Variants in DLGAP1 observed in about 807,000 individuals in gnomAD.
DLGAP1 encodes disks large-associated protein 1.
In DLGAP1, 11 loss-of-function variants were observed where a neutral mutation model predicts 90.8. That is an observed-to-expected ratio of 0.12 (90% CI 0.08 to 0.20). The LOEUF is 0.20. Ranked by LOEUF, DLGAP1 falls within the 10% of genes least tolerant of loss-of-function variation. The probability of loss-of-function intolerance (pLI) is 1.00; values close to 1 mark genes in which losing one functional copy is unlikely to be tolerated. For missense variants in DLGAP1, 1,050 were observed against 1,333.8 expected (o/e 0.79, Z 3.31); for synonymous variants, 558 against 540.7 (o/e 1.03, Z -0.44).
chr18:4,214,508 C>T (rs756787481), intron 1 of DLGAP1, among the ~76,000 whole-genome samples: 1 of 152,152 alleles, frequency 6.6e-6, no homozygotes, highest in Non-Finnish European at 1.5e-5. Flanking sequence ...GAAACCCACC[C>T]TGTTGGAGCT....
intron 1 of DLGAP1, among the ~76,000 whole-genome samples, chr18:4,423,531 T>C (rs1225806315): frequency 6.6e-6 from 1 of 151,838 alleles, no homozygotes; most frequent in Non-Finnish European, 1.5e-5. Flanking sequence ...AGTAAATGAT[T>C]CAACTTTGTT....
intron 3 of DLGAP1, among the ~76,000 whole-genome samples, chr18:3,883,198 C>T (rs1162148152): frequency 6.6e-6 from 1 of 152,166 alleles, no homozygotes; most frequent in Non-Finnish European, 1.5e-5. Context: ...AAGCCGAGAT[C>T]GTGCCACTGC....
chr18:3,731,747 T>G (rs1195499828), intron 6 of DLGAP1, among the ~76,000 whole-genome samples: 1 of 152,098 alleles, frequency 6.6e-6, no homozygotes, highest in Non-Finnish European at 1.5e-5. Flanking sequence ...TCATTCCCTT[T>G]TATCCTTTTA....
At chr18:3,948,255 G>A (rs570677236) in intron 3 of DLGAP1, among the ~76,000 whole-genome samples, 2 of 152,280 alleles carry the variant, frequency 1.3e-5, no homozygotes, top group East Asian at 1.9e-4. Flanking sequence ...TCCTGCTCTT[G>A]TCTTGCCAAG....
chr18:3,631,334 A>G lies in DLGAP1; in HGVS notation c.1592-49086T>C, dbSNP rs1280696809. Among the ~76,000 whole-genome samples the G allele has an allele frequency of 2.6e-5, 4 of 152,298 alleles. No individual in the cohort carries two copies. In the East Asian group the frequency reaches 5.8e-4, roughly 22 times the overall value. On this transcript the variant is annotated intron_variant, in intron 7 of 12. Transcript: ENST00000315677. Reference sequence around the variant, plus strand: ...TTAGTCTAGAAATTCTAATCCACATATTTAACTTACTAATATCTAGACTTA... The same window carrying G: ...TTAGTCTAGAAATTCTAATCCACATGTTTAACTTACTAATATCTAGACTTA...
chr18:4,398,886 C>T (rs1303328413), intron 1 of DLGAP1, among the ~76,000 whole-genome samples: 1 of 152,160 alleles, frequency 6.6e-6, no homozygotes, highest in Admixed American at 6.5e-5. Context: ...GGCTGGAGTG[C>T]CGTGGCGTGA....
rs1477233778 is a variant in DLGAP1 at position 4,342,058 on chromosome 18, A to G, written c.-267+112948T>C. ...TCATCTTCAGAATTTCTGAGCGGAT[A>G]AAGTCCTCGGCATGCGGTGAACACT... On this transcript the variant is annotated intron_variant, in intron 1 of 12. Transcript: ENST00000315677. The surrounding 1 kb of genome is among the most constrained non-coding windows in gnomAD (Gnocchi z 5.8). Among the ~76,000 whole-genome samples the G allele has an allele frequency of 6.6e-6, 1 of 152,170 alleles. No homozygotes were observed. Among genetic ancestry groups the G allele is most frequent in the Non-Finnish European group, 1.5e-5 (1 of 68,018 alleles).
At chr18:3,681,138 T>C (rs1350526577) in intron 7 of DLGAP1, among the ~76,000 whole-genome samples, 1 of 152,194 alleles carries the variant, frequency 6.6e-6, no homozygotes, top group African/African-American at 2.4e-5. Flanking sequence ...TTTCCAACAC[T>C]AGAGTGGGGC....
chr18:3,849,165 T>C (rs1259994868), intron 4 of DLGAP1, among the ~76,000 whole-genome samples: 2 of 152,230 alleles, frequency 1.3e-5, no homozygotes, highest in South Asian at 4.1e-4. Context: ...TCTTACTTCA[T>C]AGGGCATGCT....
chr18:4,297,234 A>G (rs1375147732), intron 1 of DLGAP1, among the ~76,000 whole-genome samples: 1 of 152,184 alleles, frequency 6.6e-6, no homozygotes, highest in African/African-American at 2.4e-5. Context: ...GTAAGATGCC[A>G]AGAAGGGGCA....
At chr18:4,175,632 A>G (rs2077094973) in intron 1 of DLGAP1, among the ~76,000 whole-genome samples, 2 of 152,156 alleles carry the variant, frequency 1.3e-5, no homozygotes, top group Non-Finnish European at 1.5e-5. Context: ...AGTTTTATGC[A>G]TATGACTTGC....
In DLGAP1 at chr18:3,508,560, T is replaced by A. The variant is rs570324784; in HGVS notation, c.2571+10A>T. ...TAGCAGGGAAATTGTAGAAGGAGAG[T>A]GTTACCTACCAGGTTTTCTTCACAC... On this transcript the variant is annotated intron_variant, in intron 11 of 12. Transcript: ENST00000315677. 1.2e-6 allele frequency: 2 copies of A among 1,601,108 alleles called. No homozygotes were observed. The highest frequency in any genetic ancestry group is 1.7e-6 in the Non-Finnish European group (2 of 1,171,328).
At chr18:4,010,917 T>C (rs2074406042) in intron 2 of DLGAP1, among the ~76,000 whole-genome samples, 1 of 151,334 alleles carries the variant, frequency 6.6e-6, no homozygotes, top group Non-Finnish European at 1.5e-5. Flanking sequence ...GGCTCACACC[T>C]GTAATCCCAG....
At chr18:4,181,170 G>A (rs944203587) in intron 1 of DLGAP1, among the ~76,000 whole-genome samples, 1 of 151,988 alleles carries the variant, frequency 6.6e-6, no homozygotes, top group Non-Finnish European at 1.5e-5. Context: ...TCTCATCTTG[G>A]TTGTTTATAA....
At chr18:4,145,660 T>C (rs1031002174) in intron 2 of DLGAP1, among the ~76,000 whole-genome samples, 5 of 152,226 alleles carry the variant, frequency 3.3e-5, no homozygotes, top group Admixed American at 2.0e-4. Flanking sequence ...TGATTTCTTT[T>C]GCCTCTGGGT....
chr18:4,319,594 AT>A (rs752556935), intron 1 of DLGAP1, among the ~76,000 whole-genome samples: 17 of 152,168 alleles, frequency 1.1e-4, no homozygotes, highest in Admixed American at 4.6e-4. Context: ...GGTCCAGAAG[AT>A]TTTCATAAAA....
chr18:3,651,500 TAGAA>T (rs2059300806), intron 7 of DLGAP1, among the ~76,000 whole-genome samples: 2 of 151,264 alleles, frequency 1.3e-5, no homozygotes, highest in African/African-American at 4.9e-5. Flanking sequence ...GCTCTAAAAA[TAGAA>T]AGATTCAGCT....
chr18:3,647,449 T>G (rs922854356), intron 7 of DLGAP1, among the ~76,000 whole-genome samples: 1 of 151,300 alleles, frequency 6.6e-6, no homozygotes, highest in African/African-American at 2.4e-5. Context: ...ACTTCAACAT[T>G]ATCTGATTTT....
Position 4,082,669 on chromosome 18 carries a change from C to G in DLGAP1, c.-159+68511G>C, listed in dbSNP as rs1056136888. 7.3e-5 allele frequency among the ~76,000 whole-genome samples: 11 copies of G among 151,498 alleles called. No homozygotes were observed. In the South Asian group the frequency reaches 8.4e-4, roughly 12 times the overall value. On this transcript the variant is annotated intron_variant, in intron 2 of 12. Coordinates refer to ENST00000315677, the MANE Select transcript of DLGAP1 (RefSeq NM_004746.4). ...CTTTTTGAGCTGATTTTTCAGTAAC[C>G]CTTAGGATGAAGGGGAAGTTTTCCT...
Sources: gnomAD v4.1 joint callset for allele counts (sites outside exome capture counted in the v4.1 genomes callset) on GRCh38, gnomAD v4.1.1 for gene constraint, Gnocchi (gnomAD v3.1) non-coding constraint, MANE v1.5 for transcripts, NCBI Gene and HGNC (gene_info 2026-07-23, HGNC 2026-07-21) for gene names.